Variants in GRB10 observed in about 807,000 individuals in gnomAD.
GRB10 encodes growth factor receptor-bound protein 10.
In GRB10, 20 loss-of-function variants were observed where a neutral mutation model predicts 80.9. The observed-to-expected ratio is 0.25, with a 90% CI of 0.17 to 0.36. The LOEUF is 0.36. GRB10 is among the 10% of genes least tolerant of loss of function. The pLI is 1.00. For synonymous variants in GRB10, 291 were observed against 291.5 expected, an observed-to-expected ratio of 1.00 and a Z score of 0.02; for missense variants, 548 against 747.7, an observed-to-expected ratio of 0.73 and a Z score of 3.12.
At chr7:50,599,068 A>C (rs2047144944) in intron 17 of GRB10, among the ~76,000 whole-genome samples, 1 of 152,000 alleles carries the variant, frequency 6.6e-6, no homozygotes, top group Non-Finnish European at 1.5e-5. Context: ...CTTCTCCTGC[A>C]GTTCTGGGAC....
chr7:50,733,099 T>A (rs1463454708), intron 3 of GRB10, among the ~76,000 whole-genome samples: 4 of 152,056 alleles, frequency 2.6e-5, no homozygotes, highest in African/African-American at 9.7e-5. Context: ...CGTCACTAAG[T>A]TAAAATGAGA....
chr7:50,767,548 C>T (rs1194590542), intron 2 of GRB10, among the ~76,000 whole-genome samples: 3 of 152,184 alleles, frequency 2.0e-5, no homozygotes, highest in Non-Finnish European at 4.4e-5. Flanking sequence ...AGCTGGCCCA[C>T]TTTGAGGCCC....
intron 4 of GRB10, chr7:50,711,121 C>T: frequency 1.8e-6 from 1 of 564,536 alleles, no homozygotes; most frequent in Non-Finnish European, 3.2e-6. Context: ...AACCTACAGG[C>T]TTAACAGGGA....
intron 2 of GRB10, among the ~76,000 whole-genome samples, chr7:50,769,610 G>A (rs911273931): frequency 2.0e-5 from 3 of 152,116 alleles, no homozygotes; most frequent in African/African-American, 7.2e-5. Context: ...AGGGGTCTCT[G>A]AGCACCACAC....
intron 3 of GRB10, 109 bp from the exon 4 acceptor site, chr7:50,732,477 G>T: frequency 2.8e-6 from 2 of 709,504 alleles, no homozygotes; most frequent in Non-Finnish European, 4.9e-6. Context: ...CTTGGTCTTA[G>T]CTTGTAGGTT....
intron 7 of GRB10, among the ~76,000 whole-genome samples, chr7:50,628,431 GC>G (rs2053393958): frequency 6.6e-6 from 1 of 152,108 alleles, no homozygotes; most frequent in Non-Finnish European, 1.5e-5. Flanking sequence ...GGGCTGGGAG[GC>G]CCCCACCTTA....
chr7:50,758,217 G>A (rs1045138918), intron 2 of GRB10, among the ~76,000 whole-genome samples: 4 of 152,082 alleles, frequency 2.6e-5, no homozygotes, highest in East Asian at 1.9e-4. Flanking sequence ...ATCTGGCACC[G>A]ACACCCAGAC....
intron 8 of GRB10, among the ~76,000 whole-genome samples, chr7:50,620,827 C>A (rs1447064495): frequency 6.6e-6 from 1 of 152,168 alleles, no homozygotes; most frequent in Non-Finnish European, 1.5e-5. Context: ...ATGGATTTTC[C>A]AGAAGGAAAA....
intron 2 of GRB10, among the ~76,000 whole-genome samples, chr7:50,778,493 G>A (rs958551165): frequency 3.3e-5 from 5 of 152,214 alleles, no homozygotes; most frequent in South Asian, 2.1e-4. Context: ...AACTTTGGTG[G>A]TAGAATTTTT....
At position 50,627,088 on chromosome 7, in the gene GRB10, T is replaced by C. The variant is rs1031169946; in HGVS notation, c.505-110A>G. 51 of 1,122,766 alleles carry C rather than the reference T, an allele frequency of 4.5e-5. 1 individual carries two copies. The highest frequency in any genetic ancestry group is 2.0e-4 in the Middle Eastern group (1 of 5,120). The allele number at this position is 1,122,766 out of a possible 1,614,324, so 69.6% of individuals were successfully genotyped here. A position where few individuals can be genotyped will look rare whatever the true frequency, so the allele number is the denominator to read the frequency against. ...GTAAAAATAGTAGTGCTCCAACACATGGGCAACTGTTTTTCCAGGCAGCCA... is the reference window on the plus strand; with the variant it reads ...GTAAAAATAGTAGTGCTCCAACACACGGGCAACTGTTTTTCCAGGCAGCCA... On this transcript the variant is annotated intron_variant, in intron 7 of 18. Transcript: ENST00000401949.
chr7:50,677,917 A>C (rs575344286), intron 5 of GRB10, among the ~76,000 whole-genome samples: 2 of 152,322 alleles, frequency 1.3e-5, no homozygotes, highest in African/African-American at 4.8e-5. Context: ...CTGCCAATTC[A>C]ATGCCAGGCT....
intron 5 of GRB10, among the ~76,000 whole-genome samples, chr7:50,695,481 G>A (rs911470944): frequency 6.6e-6 from 1 of 151,742 alleles, no homozygotes; most frequent in African/African-American, 2.4e-5. Flanking sequence ...TTAAGCAGGG[G>A]CAAAGAATAT....
intron 3 of GRB10, among the ~76,000 whole-genome samples, chr7:50,754,480 C>G (rs2074722850): frequency 6.6e-6 from 1 of 152,296 alleles, no homozygotes; most frequent in African/African-American, 2.4e-5. Context: ...CTGCAGGAGG[C>G]TCCAGCTCCC....
At chr7:50,601,120 C>T (rs761008687) in intron 17 of GRB10, among the ~76,000 whole-genome samples, 3 of 152,204 alleles carry the variant, frequency 2.0e-5, no homozygotes, top group South Asian at 2.1e-4. Flanking sequence ...GCGGGAACTG[C>T]GCAGCGCAGT....
chr7:50,652,375 A>G (rs2058094904), intron 7 of GRB10, among the ~76,000 whole-genome samples: 1 of 152,196 alleles, frequency 6.6e-6, no homozygotes, highest in South Asian at 2.1e-4. Flanking sequence ...CTATGGCATA[A>G]AAGTTGTTCA....
rs2153703286 is a variant in GRB10, at chr7:50,755,910, A to T, written c.-70T>A. On this transcript the variant is annotated 5_prime_UTR_variant, in exon 3 of 19. Transcript: ENST00000401949. The stretch of plus-strand genomic sequence containing the variant: ...ACCTGTCAGGAGTTGGCTCTGTAGC[A>T]CTGTCTGCTGGGGCGGCCACCCTGG... 1 of 398,774 alleles carries T rather than the reference A, an allele frequency of 2.5e-6. No individual in the cohort carries two copies. Among genetic ancestry groups the T allele is most frequent in the South Asian group, 1.3e-4 (1 of 7,860 alleles). 24.7% of individuals were successfully genotyped at this position (398,774 alleles called of 1,614,324 possible).
intron 4 of GRB10, among the ~76,000 whole-genome samples, chr7:50,723,266 T>C (rs932822805): frequency 6.6e-6 from 1 of 152,150 alleles, no homozygotes; most frequent in Non-Finnish European, 1.5e-5. Flanking sequence ...GGGTCAGGTG[T>C]TTCCTTATTT....
chr7:50,687,590 A>C (rs1293686153), intron 5 of GRB10, among the ~76,000 whole-genome samples: 1 of 152,224 alleles, frequency 6.6e-6, no homozygotes, highest in Non-Finnish European at 1.5e-5. Flanking sequence ...AGCTCCATGC[A>C]TCTGCGGATC....
intron 4 of GRB10, among the ~76,000 whole-genome samples, chr7:50,707,475 C>T (rs946527029): frequency 3.3e-5 from 5 of 152,248 alleles, no homozygotes; most frequent in Non-Finnish European, 5.9e-5. Context: ...AGCCTGCCAA[C>T]GTGTTTTCTC....
Sources: gnomAD v4.1 joint callset for allele counts (sites outside exome capture counted in the v4.1 genomes callset) on GRCh38, gnomAD v4.1.1 for gene constraint, MANE v1.5 for transcripts, NCBI Gene and HGNC (gene_info 2026-07-23, HGNC 2026-07-21) for gene names.